NOX1: variants seen among roughly 807,000 people sequenced by gnomAD.
NOX1 encodes the protein NADPH oxidase 1.
Under a neutral mutation model 42.5 loss-of-function variants are expected in NOX1, and 34 were observed. The observed-to-expected ratio is 0.80, with a 90% CI of 0.61 to 1.07. NOX1 has a LOEUF of 1.07. Among genes scored for constraint, NOX1 ranks in the 50% least tolerant of loss-of-function variants. NOX1 has a pLI of 0.00. For synonymous variants in NOX1, 143 were observed against 152.5 expected (o/e 0.94, Z 0.46); for missense variants, 408 against 427.0 (o/e 0.96, Z 0.39).
Position 100,862,157 on chromosome X carries a change from C to T in NOX1, c.804+14G>A, listed in dbSNP as rs746477133. 3.3e-6 allele frequency: 4 copies of T among 1,210,497 alleles called. No individual in the cohort carries two copies. Among genetic ancestry groups the T allele is most frequent in the Admixed American group, 2.2e-5 (1 of 46,044 alleles). ...CTCCTAACAAGAGTCTGTCCTTGCC[C>T]GTAGGGCTCTTACCTCAGGGGGATG... On this transcript the variant is annotated intron_variant, in intron 7 of 12. Transcript: ENST00000372966.
At chrX:100,873,122 A>G (rs1227163117) in intron 1 of NOX1, among the ~76,000 whole-genome samples, 2 of 110,601 alleles carry the variant, frequency 1.8e-5, no homozygotes, top group Non-Finnish European at 3.8e-5. Context: ...AAAGCAAAAC[A>G]GGAGAAAAGA....
rs1250134128 is a variant in NOX1, at chrX:100,872,020, GC to G, written c.46-1207del. ...ATAACAGGACCTACTTTATAGTAAT[GC>G]TATGAGGCTTACGTCAGATAATGCG... is the stretch of plus-strand genomic sequence containing the variant. On this transcript the variant is annotated intron_variant, in intron 1 of 12. Coordinates refer to ENST00000372966, the MANE Select transcript of NOX1 (RefSeq NM_007052.5). Among the ~76,000 whole-genome samples, 8 of 111,944 alleles carry G rather than the reference GC, an allele frequency of 7.1e-5. No individual in the cohort carries two copies. The Admixed American group carries it at 7.6e-4, about 11-fold the overall frequency.
chrX:100,851,142 C>T (rs2085111548), intron 8 of NOX1, 91 bp downstream of exon 8: 3 of 548,395 alleles, frequency 5.5e-6, no homozygotes, highest in Admixed American at 3.7e-5. Flanking sequence ...TTTCCAAGTT[C>T]CTCTTTCAGG....
intron 12 of NOX1, among the ~76,000 whole-genome samples, chrX:100,844,434 TTTTTC>T (rs1452732239): frequency 1.8e-5 from 2 of 111,294 alleles, no homozygotes; most frequent in Admixed American, 9.5e-5. Flanking sequence ...CTTTTTTTCT[TTTTTC>T]TTTTCTTTTT....
chrX:100,859,704 G>A (rs1465872753), intron 7 of NOX1, among the ~76,000 whole-genome samples: 1 of 106,878 alleles, frequency 9.4e-6, no homozygotes, highest in African/African-American at 3.5e-5. Flanking sequence ...ATTTCTTCTA[G>A]GTTGTTTTTT....
intron 7 of NOX1, among the ~76,000 whole-genome samples, chrX:100,854,286 T>C (rs1291622697): frequency 8.9e-6 from 1 of 112,324 alleles, no homozygotes; most frequent in Non-Finnish European, 1.9e-5. Context: ...AATAAATGTA[T>C]ATTATTTTTC....
chrX:100,853,253 CCTTCCTTCCTTTCTTT>C (rs1273587811), intron 7 of NOX1, among the ~76,000 whole-genome samples: 124 of 33,356 alleles, frequency 3.7e-3, no homozygotes, highest in Non-Finnish European at 5.0e-3. Flanking sequence ...TTCCTTCCTT[CCTTCCTTCCTTTCTTT>C]CTTTCTTTCT....
intron 7 of NOX1, among the ~76,000 whole-genome samples, chrX:100,858,930 T>A (rs1371155632): frequency 9.0e-6 from 1 of 111,604 alleles, no homozygotes; most frequent in Non-Finnish European, 1.9e-5. Flanking sequence ...TATTTCTTTC[T>A]CCTGCCTGAT....
chrX:100,853,433 T>TCTTCC, intron 7 of NOX1, among the ~76,000 whole-genome samples: 1 of 101,287 alleles, frequency 9.9e-6, no homozygotes. Context: ...CTTTTTTTTT[T>TCTTCC]TTGACAGAGT....
intron 7 of NOX1, among the ~76,000 whole-genome samples, chrX:100,853,433 T>TCTTCCTTCCTTCCTTCCTTGCTTTCTTCC (rs1569445832): frequency 1.5e-4 from 15 of 101,160 alleles, no homozygotes; most frequent in Non-Finnish European, 2.6e-4. Context: ...CTTTTTTTTT[T>TCTTCCTTCCTTCCTTCCTTGCTTTCTTCC]TTGACAGAGT....
chrX:100,855,053 G>A (rs1312266546), intron 7 of NOX1, among the ~76,000 whole-genome samples: 2 of 111,756 alleles, frequency 1.8e-5, no homozygotes, highest in African/African-American at 6.5e-5. Context: ...CCCTTTGTTG[G>A]AATGCTTTAC....
chrX:100,854,124 C>G (rs1333434673), intron 7 of NOX1, among the ~76,000 whole-genome samples: 1 of 110,498 alleles, frequency 9.0e-6, no homozygotes, highest in Non-Finnish European at 1.9e-5. Context: ...GCCTGAGTAA[C>G]AGAGGGAGAC....
chrX:100,845,765 G>A (rs1350971072), intron 12 of NOX1, among the ~76,000 whole-genome samples: 5 of 101,507 alleles, frequency 4.9e-5, no homozygotes, highest in Middle Eastern at 5.2e-3. Context: ...ACAGGTGCCC[G>A]CCACCATGCC....
In NOX1 at chrX:100,848,662, A is replaced by G. The variant is rs1308904624; in HGVS notation, c.1536T>C (p.Asn512=). The G allele has an allele frequency of 8.3e-7, 1 of 1,206,700 alleles. No homozygotes were observed. The change falls in exon 12 of 13, where the codon AAT becomes AAC. Residue 512 remains asparagine, a synonymous_variant. Transcript: ENST00000372966. ...KTSFGRPMWD[N]EFSTIATSHP... ...GGGAGGTAGCTATTGTAGAAAACTC[A>G]TTGTCCCACATTGGTCTCCCAAAGG...
intron 7 of NOX1, among the ~76,000 whole-genome samples, chrX:100,853,219 TTC>T (rs1320780807): frequency 9.4e-6 from 1 of 105,911 alleles, no homozygotes; most frequent in Non-Finnish European, 1.9e-5. Context: ...TTCCTTCTCT[TTC>T]TCTTTCTTTC....
chrX:100,863,666 G>C, intron 2 of NOX1, 71 bp from the exon 3 acceptor site: 3 of 1,139,962 alleles, frequency 2.6e-6, no homozygotes, highest in Non-Finnish European at 3.5e-6. Flanking sequence ...AACTGACCCA[G>C]CCCACTCATC....
At chrX:100,863,138 T>C (rs773706392) in intron 4 of NOX1, 21 bp downstream of exon 4, 16 of 1,117,741 alleles carry the variant, frequency 1.4e-5, no homozygotes, top group Non-Finnish European at 2.0e-5. Context: ...AGTCTGCAGA[T>C]TCATGGATTG....
At chrX:100,847,922 AC>A (rs1415080680) in intron 12 of NOX1, among the ~76,000 whole-genome samples, 1 of 110,092 alleles carries the variant, frequency 9.1e-6, no homozygotes, top group Non-Finnish European at 1.9e-5. Flanking sequence ...ATGTCTCAAA[AC>A]CCTCCAGAAA....
At chrX:100,872,768 C>G (rs977571649) in intron 1 of NOX1, among the ~76,000 whole-genome samples, 1 of 110,071 alleles carries the variant, frequency 9.1e-6, no homozygotes, top group African/African-American at 3.3e-5. Flanking sequence ...CCCAATTCCC[C>G]CCACCTACAC....
Sources: gnomAD v4.1 joint callset for allele counts (sites outside exome capture counted in the v4.1 genomes callset) on GRCh38, gnomAD v4.1.1 for gene constraint, MANE v1.5 for transcripts, NCBI Gene and HGNC (gene_info 2026-07-23, HGNC 2026-07-21) for gene names.